The following ELOVL4 variants were observed in gnomAD, a reference collection of about 807,000 sequenced individuals.
The protein encoded by ELOVL4 is ELOVL fatty acid elongase 4.
A neutral mutation model predicts 42.1 loss-of-function variants in ELOVL4; 18 were observed. The observed-to-expected ratio is 0.43, with a 90% CI of 0.30 to 0.63. ELOVL4 has a LOEUF of 0.63. Ranked by LOEUF, ELOVL4 falls within the 30% of genes least tolerant of loss-of-function variation. The pLI is 0.15. For synonymous variants in ELOVL4, 117 were observed against 127.0 expected (o/e 0.92, Z 0.53); for missense variants, 299 against 376.2 (o/e 0.79, Z 1.70).
chr6:79,936,316 T>G (rs1485425264), intron 1 of ELOVL4, among the ~76,000 whole-genome samples: 1 of 152,138 alleles, frequency 6.6e-6, no homozygotes, highest in African/African-American at 2.4e-5. Context: ...ATTAATTCCT[T>G]TTTTTTAAAC....
At chr6:79,917,131 A>AT (rs35227202) in intron 5 of ELOVL4, among the ~76,000 whole-genome samples, 11 of 151,582 alleles carry the variant, frequency 7.3e-5, no homozygotes, top group South Asian at 4.2e-4. Context: ...AGCTTTCTGC[A>AT]TTTTTTTTAA....
chr6:79,919,629 C>T (rs1582044449), intron 4 of ELOVL4, 82 bp from the exon 5 acceptor site: 1 of 1,207,318 alleles, frequency 8.3e-7, no homozygotes, highest in South Asian at 1.3e-5. Flanking sequence ...TAAATGAATA[C>T]ACATTATTTT....
intron 2 of ELOVL4, 74 bp from the exon 3 acceptor site, chr6:79,925,106 T>C: frequency 5.1e-6 from 5 of 982,390 alleles, no homozygotes; most frequent in Non-Finnish European, 8.0e-6. Context: ...ATATACAAAA[T>C]GTAGCCTTTC....
intron 1 of ELOVL4, among the ~76,000 whole-genome samples, chr6:79,943,122 T>A (rs1445516940): frequency 6.6e-6 from 1 of 152,072 alleles, no homozygotes; most frequent in Non-Finnish European, 1.5e-5. Flanking sequence ...ATAAACCTAT[T>A]TTAGATAATA....
chr6:79,921,046 C>T (rs2127698338), intron 4 of ELOVL4, among the ~76,000 whole-genome samples: 1 of 152,156 alleles, frequency 6.6e-6, no homozygotes, highest in East Asian at 1.9e-4. Flanking sequence ...AGACCCGTTC[C>T]CCATCAAAAT....
intron 1 of ELOVL4, among the ~76,000 whole-genome samples, chr6:79,930,194 G>T (rs1168130974): frequency 6.6e-6 from 1 of 152,152 alleles, no homozygotes; most frequent in African/African-American, 2.4e-5. Flanking sequence ...AAAAAGCAAT[G>T]CCCTCACTTC....
intron 2 of ELOVL4, 74 bp downstream of exon 2, chr6:79,926,120 G>T (rs1348150609): frequency 1.4e-5 from 18 of 1,306,206 alleles, no homozygotes; most frequent in Non-Finnish European, 1.7e-5. Flanking sequence ...ATATTACAAT[G>T]ATGGTTTTAC....
chr6:79,934,522 C>G (rs1203140194), intron 1 of ELOVL4, among the ~76,000 whole-genome samples: 2 of 152,136 alleles, frequency 1.3e-5, no homozygotes, highest in African/African-American at 4.8e-5. Context: ...CCTATTCTCT[C>G]CCAAATTTAC....
chr6:79,943,482 T>C (rs898227057), intron 1 of ELOVL4, among the ~76,000 whole-genome samples: 10 of 152,168 alleles, frequency 6.6e-5, no homozygotes, highest in African/African-American at 2.4e-4. Context: ...TAAACTGTGG[T>C]GAAACAGCTA....
At chr6:79,924,845 T>C (rs1234252523) in intron 3 of ELOVL4, 107 bp downstream of exon 3, 10 of 749,548 alleles carry the variant, frequency 1.3e-5, no homozygotes, top group Admixed American at 4.1e-5. Context: ...TAAATGAATG[T>C]TAAAGAAACT....
chr6:79,928,733 T>TG (rs1394127007), intron 1 of ELOVL4, among the ~76,000 whole-genome samples: 1 of 136,402 alleles, frequency 7.3e-6, no homozygotes, highest in Non-Finnish European at 1.5e-5. Flanking sequence ...CTGGGTTTTT[T>TG]TTTTTTTTTT....
intron 1 of ELOVL4, among the ~76,000 whole-genome samples, chr6:79,938,579 C>T (rs1774588508): frequency 6.6e-6 from 1 of 152,186 alleles, no homozygotes. Context: ...CCTACACCGT[C>T]ATATGGAAGT....
Position 79,947,322 on chromosome 6 carries a change from C to A in ELOVL4, c.-43G>T, listed in dbSNP as rs747749507. On this transcript the variant is annotated 5_prime_UTR_variant, in exon 1 of 6. Transcript: ENST00000369816. Reference sequence around the variant, plus strand: ...GCTGGCGGCAGGAGAAAGCGGAGACCCAGAGAGAGGGCTGACCCCGGAGGC... The same window carrying A: ...GCTGGCGGCAGGAGAAAGCGGAGACACAGAGAGAGGGCTGACCCCGGAGGC... 1.3e-6 allele frequency: 2 copies of A among 1,503,890 alleles called. No individual in the cohort carries two copies. Among genetic ancestry groups the A allele is most frequent in the Non-Finnish European group, 1.8e-6 (2 of 1,090,498 alleles). The allele number at this position is 1,503,890 out of a possible 1,614,324, so 93.2% of individuals were successfully genotyped here.
In ELOVL4 at chr6:79,947,544, A is replaced by C. The variant is rs927169138; in HGVS notation, c.-265T>G. 2 of 473,304 alleles carry C rather than the reference A, an allele frequency of 4.2e-6. No homozygotes were observed. The highest frequency in any genetic ancestry group is 7.7e-6 in the Non-Finnish European group (2 of 258,782). 29.3% of individuals were successfully genotyped at this position (473,304 alleles called of 1,614,324 possible). A position where few individuals can be genotyped will look rare whatever the true frequency, so the allele number is the denominator to read the frequency against. ...CCCAGCCGCCAGCACAGTGCGCTGC[A>C]CCAGTCTGCAGCCTCGCGCAGCCGC... On this transcript the variant is annotated 5_prime_UTR_variant, in exon 1 of 6. Transcript: ENST00000369816.
chr6:79,923,826 TA>T (rs1351096184), intron 3 of ELOVL4, among the ~76,000 whole-genome samples: 5 of 152,166 alleles, frequency 3.3e-5, no homozygotes, highest in African/African-American at 1.2e-4. Context: ...CATCAGTCCA[TA>T]AGTCTTCTAA....
rs571555363 is a variant in ELOVL4 at position 79,946,801 on chromosome 6, G to A, written c.100+379C>T. Among the ~76,000 whole-genome samples the A allele has an allele frequency of 4.5e-4, 69 of 152,272 alleles. 1 individual carries two copies. Among genetic ancestry groups the A allele is most frequent in the African/African-American group, 1.6e-3 (66 of 41,566 alleles). On this transcript the variant is annotated intron_variant, in intron 1 of 5. Transcript: ENST00000369816. ...CTCTCCATACAAAATAGGACTAAAT[G>A]TTAAAAGGAATCCTGTGCACGGGGA...
intron 3 of ELOVL4, among the ~76,000 whole-genome samples, chr6:79,922,526 A>G (rs769412591): frequency 4.6e-5 from 7 of 152,198 alleles, no homozygotes; most frequent in Non-Finnish European, 1.0e-4. Context: ...TGACCTCTGT[A>G]TGTTTTAAAA....
intron 1 of ELOVL4, among the ~76,000 whole-genome samples, chr6:79,943,100 T>A (rs1417581503): frequency 1.3e-5 from 2 of 152,084 alleles, no homozygotes; most frequent in African/African-American, 2.4e-5. Flanking sequence ...ATTACCAGGC[T>A]TAGCCAAACA....
rs3841154 is a variant in ELOVL4, at chr6:79,916,400, T to TA, written c.*207dup. ...TCTGGAGAATATCAAGGCTAATTTT[T>TA]AAAAAAAATGTTTAAAATAAAAACT... On this transcript the variant is annotated 3_prime_UTR_variant, in exon 6 of 6. Transcript: ENST00000369816. 59 of 597,314 alleles carry TA rather than the reference T, an allele frequency of 9.9e-5. No individual in the cohort carries two copies. Among genetic ancestry groups the TA allele is most frequent in the African/African-American group, 3.2e-4 (17 of 53,720 alleles). The allele number at this position is 597,314 out of a possible 1,614,324, so 37.0% of individuals were successfully genotyped here. A position where few individuals can be genotyped will look rare whatever the true frequency, so the allele number is the denominator to read the frequency against.
Sources: allele counts gnomAD v4.1 joint callset (sites outside exome capture counted in the v4.1 genomes callset), GRCh38; gene constraint gnomAD v4.1.1; transcripts MANE v1.5; gene names NCBI Gene and HGNC (gene_info 2026-07-23, HGNC 2026-07-21).